MRPS31: variants seen among roughly 807,000 people sequenced by gnomAD.
The protein encoded by MRPS31 is mitochondrial ribosomal protein S31.
Under a neutral mutation model 43.1 loss-of-function variants are expected in MRPS31, and 32 were observed. The observed-to-expected ratio is 0.74, with a 90% CI of 0.56 to 1.00. The LOEUF is 1.00. MRPS31 is among the 50% of genes least tolerant of loss of function. The probability of loss-of-function intolerance (pLI) is 0.00; values close to 1 mark genes in which losing one functional copy is unlikely to be tolerated. For missense variants in MRPS31, 437 were observed against 466.7 expected (o/e 0.94, Z 0.59); for synonymous variants, 165 against 161.6 (o/e 1.02, Z -0.16).
At chr13:40,756,595 C>T (rs1391529512) in intron 4 of MRPS31, among the ~76,000 whole-genome samples, 1 of 152,078 alleles carries the variant, frequency 6.6e-6, no homozygotes, top group African/African-American at 2.4e-5. Flanking sequence ...CAGTCAGCTC[C>T]GCTTACTCTA....
chr13:40,755,688 C>CGT (rs1393344688), intron 4 of MRPS31, among the ~76,000 whole-genome samples: 2 of 152,166 alleles, frequency 1.3e-5, no homozygotes, highest in African/African-American at 4.8e-5. Flanking sequence ...AAAAACTTGG[C>CGT]GTCTCACCAT....
At chr13:40,741,294 G>T (rs1880082317) in intron 6 of MRPS31, among the ~76,000 whole-genome samples, 1 of 152,090 alleles carries the variant, frequency 6.6e-6, no homozygotes, top group East Asian at 1.9e-4. Flanking sequence ...GATTTTTAAA[G>T]TCAAATTATT....
intron 6 of MRPS31, among the ~76,000 whole-genome samples, chr13:40,735,754 G>A (rs1481109261): frequency 6.7e-6 from 1 of 150,260 alleles, no homozygotes; most frequent in Non-Finnish European, 1.5e-5. Flanking sequence ...CAAACAGAAA[G>A]GACATCCACA....
chr13:40,752,750 T>TC (rs758966630), intron 5 of MRPS31, among the ~76,000 whole-genome samples: 29 of 151,128 alleles, frequency 1.9e-4, no homozygotes, highest in Middle Eastern at 6.8e-3. Context: ...TTTTTTTTTT[T>TC]CCCCTTCGAG....
intron 3 of MRPS31, among the ~76,000 whole-genome samples, chr13:40,758,470 A>G (rs1880597838): frequency 6.6e-6 from 1 of 152,226 alleles, no homozygotes; most frequent in Non-Finnish European, 1.5e-5. Flanking sequence ...TTACTACTTA[A>G]TATAACATAG....
intron 6 of MRPS31, among the ~76,000 whole-genome samples, chr13:40,737,853 C>A (rs1306112339): frequency 6.6e-6 from 1 of 151,788 alleles, no homozygotes; most frequent in Non-Finnish European, 1.5e-5. Context: ...CCAAAATTGA[C>A]ACCCTAACAT....
chr13:40,750,886 C>G (rs1880372146), intron 5 of MRPS31, among the ~76,000 whole-genome samples: 2 of 151,508 alleles, frequency 1.3e-5, no homozygotes, highest in South Asian at 2.1e-4. Context: ...TAGCGCGTAT[C>G]TGTAATATTT....
At chr13:40,749,426 T>A in intron 5 of MRPS31, 145 bp from the exon 6 acceptor site, 2 of 498,194 alleles carry the variant, frequency 4.0e-6, no homozygotes, top group Non-Finnish European at 6.3e-6. Context: ...TACTGAGAGA[T>A]AACTGCAAAA....
intron 6 of MRPS31, among the ~76,000 whole-genome samples, chr13:40,737,435 A>T (rs1459126804): frequency 6.6e-6 from 1 of 152,064 alleles, no homozygotes; most frequent in Non-Finnish European, 1.5e-5. Context: ...AAGCAGACCT[A>T]ATAGACATCT....
At chr13:40,747,617 C>T (rs1020147417) in intron 6 of MRPS31, among the ~76,000 whole-genome samples, 2 of 152,176 alleles carry the variant, frequency 1.3e-5, no homozygotes, top group African/African-American at 4.8e-5. Context: ...GTGGCTCAAG[C>T]CTGTAATCCC....
At chr13:40,756,013 C>G (rs1222469142) in intron 4 of MRPS31, among the ~76,000 whole-genome samples, 1 of 152,162 alleles carries the variant, frequency 6.6e-6, no homozygotes, top group Non-Finnish European at 1.5e-5. Context: ...TCCAAAGTCA[C>G]CATAACCTCT....
intron 6 of MRPS31, among the ~76,000 whole-genome samples, chr13:40,739,721 A>G (rs1454746280): frequency 6.6e-6 from 1 of 151,242 alleles, no homozygotes; most frequent in East Asian, 2.0e-4. Flanking sequence ...GGTGCTGGGA[A>G]AACGGGCTAG....
intron 6 of MRPS31, among the ~76,000 whole-genome samples, chr13:40,729,810 C>T (rs1033277280): frequency 4.6e-5 from 7 of 150,694 alleles, no homozygotes; most frequent in South Asian, 2.1e-4. Flanking sequence ...CTCACTGCAA[C>T]CTCTGCCTTC....
At chr13:40,730,207 T>C (rs1879638706) in intron 6 of MRPS31, among the ~76,000 whole-genome samples, 1 of 152,132 alleles carries the variant, frequency 6.6e-6, no homozygotes, top group Non-Finnish European at 1.5e-5. Flanking sequence ...TTACAATGCC[T>C]AGCATGCTGT....
Position 40,759,066 on chromosome 13 carries a change from C to A in MRPS31, c.481G>T (p.Ala161Ser). 1.9e-6 allele frequency: 3 copies of A among 1,605,406 alleles called. No homozygotes were observed. Among genetic ancestry groups the A allele is most frequent in the Non-Finnish European group, 1.7e-6 (2 of 1,176,280 alleles). Reference protein sequence around the residue: ...LSPELVAAASAVADSLPFDKQ... With the variant: ...LSPELVAAASSVADSLPFDKQ... ...TCAAAAGGGAGAGAATCTGCCACAG[C>A]AGATGCAGCTGCCACCAACTCAGGA... is the stretch of plus-strand genomic sequence containing the variant. The change falls in exon 3 of 7, where the codon GCT (alanine) becomes TCT (serine). Residue 161 changes from alanine (A) to serine (S), a missense_variant. Ala to Ser is a moderately conservative substitution (Grantham distance 99, BLOSUM62 1). Transcript: ENST00000323563.
At chr13:40,737,582 T>C (rs1186813192) in intron 6 of MRPS31, among the ~76,000 whole-genome samples, 1 of 152,070 alleles carries the variant, frequency 6.6e-6, no homozygotes, top group Non-Finnish European at 1.5e-5. Flanking sequence ...TAACAAACTA[T>C]CTATCTGTCA....
intron 2 of MRPS31, among the ~76,000 whole-genome samples, chr13:40,759,874 T>A (rs753883994): frequency 6.6e-6 from 1 of 152,078 alleles, no homozygotes; most frequent in Non-Finnish European, 1.5e-5. Context: ...AAAAACAAAT[T>A]GTGATATATC....
Position 40,770,966 on chromosome 13 carries a change from G to C in MRPS31, c.152+19C>G, listed in dbSNP as rs572558142. On this transcript the variant is annotated intron_variant, in intron 1 of 6. Transcript: ENST00000323563. ...CGGAGGATGTACAGGACGGGGCACG[G>C]GGTTGCCTGAGGACCTACCGGGCCA... 3.1e-6 allele frequency: 5 copies of C among 1,614,036 alleles called. No individual in the cohort carries two copies. The South Asian group carries it at 5.5e-5, about 18-fold the overall frequency.
intron 4 of MRPS31, 98 bp downstream of exon 4, chr13:40,756,775 C>A: frequency 7.6e-7 from 1 of 1,314,442 alleles, no homozygotes; most frequent in Non-Finnish European, 1.1e-6. Context: ...TTCAGATATC[C>A]AACAGCAATA....
Sources: gnomAD v4.1 joint callset for allele counts (sites outside exome capture counted in the v4.1 genomes callset) on GRCh38, gnomAD v4.1.1 for gene constraint, MANE v1.5 for transcripts, NCBI Gene and HGNC (gene_info 2026-07-23, HGNC 2026-07-21) for gene names.